Variants in SLC44A5 observed in about 807,000 individuals in gnomAD.
SLC44A5 encodes the protein choline transporter-like protein 5.
In SLC44A5, 57 loss-of-function variants were observed where a neutral mutation model predicts 101.8. The ratio of observed to expected loss-of-function variants is 0.56; its 90% CI spans 0.45 to 0.70. The LOEUF is 0.70. SLC44A5 is among the 30% of genes least tolerant of loss of function. SLC44A5 has a pLI of 0.00. For missense variants in SLC44A5, 737 were observed against 853.1 expected (o/e 0.86, Z 1.70); for synonymous variants, 281 against 290.9 (o/e 0.97, Z 0.35).
intron 3 of SLC44A5, among the ~76,000 whole-genome samples, chr1:75,346,699 G>T (rs774085659): frequency 1.3e-5 from 2 of 151,878 alleles, no homozygotes; most frequent in African/African-American, 4.8e-5. Context: ...GAGCTTGAAG[G>T]TTATCAACTT....
chr1:75,611,052 C>T lies in SLC44A5; in HGVS notation c.-82G>A. On this transcript the variant is annotated 5_prime_UTR_variant, in exon 1 of 24. The change abolishes an upstream ATG in the 5' untranslated region. Transcript: ENST00000370859. ...CAGTATCACTCACCTCTTACTCCAT[C>T]ATTTCTTCAATAACTCCATCAACAC... The T allele has an allele frequency of 1.0e-6, 1 of 985,278 alleles. No individual in the cohort carries two copies. The highest frequency in any genetic ancestry group is 1.2e-6 in the Non-Finnish European group (1 of 829,850). 61.0% of individuals were successfully genotyped at this position (985,278 alleles called of 1,614,324 possible).
chr1:75,375,648 T>C (rs1660531639), intron 3 of SLC44A5, among the ~76,000 whole-genome samples: 1 of 152,230 alleles, frequency 6.6e-6, no homozygotes, highest in Non-Finnish European at 1.5e-5. Flanking sequence ...AACAGTGGAC[T>C]TCTCAGCAGA....
intron 2 of SLC44A5, among the ~76,000 whole-genome samples, chr1:75,490,046 TA>T (rs150084072): frequency 2.6e-5 from 4 of 150,962 alleles, no homozygotes; most frequent in African/African-American, 7.3e-5. Flanking sequence ...ATTGTAAAAT[TA>T]AAAAAAAATA....
At chr1:75,204,321 A>G (rs1397760116) in intron 23 of SLC44A5, among the ~76,000 whole-genome samples, 1 of 152,148 alleles carries the variant, frequency 6.6e-6, no homozygotes, top group Non-Finnish European at 1.5e-5. Flanking sequence ...TTGTAAGAAA[A>G]TGGCTTCTAA....
At chr1:75,680,257 C>T in the SLC44A5 span, among the ~76,000 whole-genome samples, 4 of 151,328 alleles carry the variant, frequency 2.6e-5, no homozygotes, top group African/African-American at 7.3e-5. Flanking sequence ...CTGCACCAAG[C>T]GGACCTAATA....
At chr1:75,302,785 C>T (rs1246720295) in intron 4 of SLC44A5, among the ~76,000 whole-genome samples, 2 of 152,002 alleles carry the variant, frequency 1.3e-5, no homozygotes, top group African/African-American at 4.8e-5. Context: ...GTTGATCTGA[C>T]AAGCAAGATG....
chr1:75,607,450 CAAAT>C (rs145828842), intron 1 of SLC44A5, among the ~76,000 whole-genome samples: 2,493 of 151,996 alleles, frequency 0.016, 75 homozygotes, highest in African/African-American at 0.057. Context: ...TATTAATTGA[CAAAT>C]AAAGACTGTA....
At chr1:75,364,672 T>G (rs1659732095) in intron 3 of SLC44A5, among the ~76,000 whole-genome samples, 1 of 152,194 alleles carries the variant, frequency 6.6e-6, no homozygotes, top group African/African-American at 2.4e-5. Flanking sequence ...AAAAATGCTT[T>G]GTTGGCCTTT....
At chr1:75,720,815 T>A in the SLC44A5 span, among the ~76,000 whole-genome samples, 1 of 134,360 alleles carries the variant, frequency 7.4e-6, no homozygotes, top group Non-Finnish European at 1.5e-5. Flanking sequence ...AGAAATACAT[T>A]GGTTCAGTTC....
intron 1 of SLC44A5, among the ~76,000 whole-genome samples, chr1:75,575,511 T>C (rs1468071034): frequency 2.0e-5 from 3 of 152,194 alleles, no homozygotes; most frequent in Non-Finnish European, 4.4e-5. Flanking sequence ...TCTAAGGCTG[T>C]CATACCAAGA....
chr1:75,207,316 C>A (rs535191848), intron 23 of SLC44A5, among the ~76,000 whole-genome samples: 4 of 152,120 alleles, frequency 2.6e-5, no homozygotes, highest in Non-Finnish European at 5.9e-5. Flanking sequence ...TAAATTCTTG[C>A]GGTCTTCCTC....
At chr1:75,520,946 T>C (rs1670084705) in intron 2 of SLC44A5, among the ~76,000 whole-genome samples, 1 of 148,940 alleles carries the variant, frequency 6.7e-6, no homozygotes. Flanking sequence ...GGGAGAAAGG[T>C]CAAGGGTTTT....
At chr1:75,472,979 A>G (rs539584312) in intron 2 of SLC44A5, among the ~76,000 whole-genome samples, 1 of 152,300 alleles carries the variant, frequency 6.6e-6, no homozygotes, top group East Asian at 1.9e-4. Context: ...TCAACCTCAA[A>G]GGTAACTGGC....
chr1:75,628,171 T>C, the SLC44A5 span, among the ~76,000 whole-genome samples: 1 of 151,986 alleles, frequency 6.6e-6, no homozygotes, highest in South Asian at 2.1e-4. Flanking sequence ...TTCAAAACTT[T>C]AGGATATGAA....
intron 4 of SLC44A5, among the ~76,000 whole-genome samples, chr1:75,325,759 CGTGTGT>C (rs10538157): frequency 7.3e-5 from 11 of 150,172 alleles, no homozygotes; most frequent in African/African-American, 2.4e-4. Context: ...TGCATGCATG[CGTGTGT>C]GTGTGTGTGT....
intron 1 of SLC44A5, among the ~76,000 whole-genome samples, chr1:75,546,746 C>A (rs544806505): frequency 6.6e-6 from 1 of 151,986 alleles, no homozygotes; most frequent in Non-Finnish European, 1.5e-5. Flanking sequence ...AATCAGTCCT[C>A]GAAAATGTCT....
chr1:75,226,820 A>G (rs6675106), intron 13 of SLC44A5, among the ~76,000 whole-genome samples: 1,921 of 152,292 alleles, frequency 0.013, 52 homozygotes, highest in African/African-American at 0.044. Context: ...ACACCATTCT[A>G]GGAATATAAG....
chr1:75,632,268 C>T, the SLC44A5 span, among the ~76,000 whole-genome samples: 1 of 152,090 alleles, frequency 6.6e-6, no homozygotes, highest in East Asian at 1.9e-4. Flanking sequence ...TCATCTTATA[C>T]TTACTTCTTT....
At chr1:75,277,940 G>A (rs1652066660) in intron 5 of SLC44A5, among the ~76,000 whole-genome samples, 1 of 152,134 alleles carries the variant, frequency 6.6e-6, no homozygotes, top group South Asian at 2.1e-4. Flanking sequence ...AGGAAAAAAA[G>A]GAGATGGGCA....
Sources: allele counts gnomAD v4.1 joint callset (sites outside exome capture counted in the v4.1 genomes callset), GRCh38; gene constraint gnomAD v4.1.1; transcripts MANE v1.5; gene names NCBI Gene and HGNC (gene_info 2026-07-23, HGNC 2026-07-21).